The following TCF4 variants were observed in gnomAD, a reference collection of about 807,000 sequenced individuals.
TCF4 encodes the protein transcription factor 4, also known as SL3-3 enhancer factor 2.
TCF4 carries 3 observed loss-of-function variants against 82.1 expected under a neutral mutation model. The observed-to-expected ratio is 0.04, with a 90% CI of 0.02 to 0.09. TCF4 has a LOEUF of 0.09. TCF4 is among the 10% of genes least tolerant of loss of function. The pLI is 1.00. For missense variants in TCF4, 518 were observed against 852.7 expected (o/e 0.61, Z 4.89); for synonymous variants, 276 against 309.6 (o/e 0.89, Z 1.14).
intron 6 of TCF4, among the ~76,000 whole-genome samples, chr18:55,376,278 G>A (rs112167885): frequency 0.019 from 2,835 of 151,856 alleles, 42 homozygotes; most frequent in South Asian, 0.034. Context: ...TGCCTGCCTC[G>A]GCCTCCTAAA....
intron 6 of TCF4, among the ~76,000 whole-genome samples, chr18:55,398,161 G>C (rs1487080581): frequency 6.6e-6 from 1 of 152,156 alleles, no homozygotes; most frequent in Non-Finnish European, 1.5e-5. Flanking sequence ...TGCAATGAAA[G>C]AATGGACCCA....
intron 3 of TCF4, among the ~76,000 whole-genome samples, chr18:55,504,486 C>T (rs1164076402): frequency 6.6e-6 from 1 of 152,184 alleles, no homozygotes; most frequent in African/African-American, 2.4e-5. Context: ...TAAGTATAGA[C>T]ACTGTAATTC....
chr18:55,463,381 T>C (rs150846144), intron 4 of TCF4, among the ~76,000 whole-genome samples: 57 of 152,310 alleles, frequency 3.7e-4, no homozygotes, highest in African/African-American at 1.3e-3. Flanking sequence ...GAAACACGTA[T>C]TGCTTAACCA....
intron 8 of TCF4, among the ~76,000 whole-genome samples, chr18:55,334,297 C>T (rs1463570991): frequency 6.6e-6 from 1 of 151,734 alleles, no homozygotes; most frequent in Non-Finnish European, 1.5e-5. Context: ...CTTAAAATAC[C>T]CCGAAATAAC....
chr18:55,387,253 A>G (rs967729887), intron 6 of TCF4, among the ~76,000 whole-genome samples: 25 of 152,226 alleles, frequency 1.6e-4, no homozygotes, highest in African/African-American at 5.3e-4. Flanking sequence ...AATCACATCT[A>G]CTGAAAATAC....
intron 5 of TCF4, among the ~76,000 whole-genome samples, chr18:55,423,016 C>T (rs2094833401): frequency 6.6e-6 from 1 of 151,582 alleles, no homozygotes; most frequent in Admixed American, 6.6e-5. Context: ...TGCTCACACA[C>T]ACACGCACAC....
At chr18:55,376,710 C>T (rs925289008) in intron 6 of TCF4, among the ~76,000 whole-genome samples, 6 of 152,220 alleles carry the variant, frequency 3.9e-5, no homozygotes, top group African/African-American at 1.2e-4. Context: ...CAATGTCCCA[C>T]ATTCTTATTG....
At chr18:55,573,313 AAAC>A (rs2097494264) in intron 3 of TCF4, among the ~76,000 whole-genome samples, 1 of 151,992 alleles carries the variant, frequency 6.6e-6, no homozygotes, top group African/African-American at 2.4e-5. Context: ...AAAAAAAAAA[AAAC>A]AAGTAGCCAC....
chr18:55,480,207 A>C (rs553163410), intron 3 of TCF4, among the ~76,000 whole-genome samples: 1 of 142,670 alleles, frequency 7.0e-6, no homozygotes, highest in East Asian at 2.2e-4. Context: ...TTTACCCTCC[A>C]GTACTGTTGT....
intron 3 of TCF4, among the ~76,000 whole-genome samples, chr18:55,535,800 T>A (rs902534992): frequency 6.6e-6 from 1 of 152,114 alleles, no homozygotes; most frequent in African/African-American, 2.4e-5. Context: ...ATTCTATGAG[T>A]TTCAGCATTA....
At chr18:55,617,885 A>C (rs996004462) in intron 2 of TCF4, among the ~76,000 whole-genome samples, 2 of 150,368 alleles carry the variant, frequency 1.3e-5, no homozygotes, top group African/African-American at 2.4e-5. Flanking sequence ...AGATCATATC[A>C]TCTGAAACCA....
chr18:55,581,325 T>C (rs953763125), intron 3 of TCF4, among the ~76,000 whole-genome samples: 5 of 152,044 alleles, frequency 3.3e-5, no homozygotes, highest in African/African-American at 1.2e-4. Context: ...GAACTCCTTA[T>C]CTTGGGCCTC....
At chr18:55,589,261 C>A (rs1213925148), upstream of TCF4, 1 of 1,049,540 alleles carries the variant, frequency 9.5e-7, no homozygotes, top group Non-Finnish European at 1.2e-6. Context: ...AATTCAATTA[C>A]AAACAGTTTA....
intron 8 of TCF4, among the ~76,000 whole-genome samples, chr18:55,316,725 G>A (rs942320289): frequency 6.6e-6 from 1 of 152,022 alleles, no homozygotes; most frequent in Non-Finnish European, 1.5e-5. Flanking sequence ...CAGTTGGAAA[G>A]GTATTTAAAA....
chr18:55,559,191 C>T (rs2097333546), intron 3 of TCF4, among the ~76,000 whole-genome samples: 2 of 150,478 alleles, frequency 1.3e-5, no homozygotes, highest in Admixed American at 1.3e-4. Flanking sequence ...TAGACTTCTG[C>T]TTGTGGCTAT....
intron 3 of TCF4, among the ~76,000 whole-genome samples, chr18:55,526,339 C>T (rs1371985889): frequency 6.6e-6 from 1 of 152,198 alleles, no homozygotes; most frequent in Admixed American, 6.5e-5. Context: ...CTATAATATA[C>T]TATGGATATG....
intron 8 of TCF4, among the ~76,000 whole-genome samples, chr18:55,286,346 T>C (rs568608437): frequency 6.6e-6 from 1 of 152,108 alleles, no homozygotes; most frequent in Admixed American, 6.5e-5. Flanking sequence ...TTCATGTTAC[T>C]TTCACATCTA....
At chr18:55,263,049 C>T (rs1185256445) in intron 11 of TCF4, among the ~76,000 whole-genome samples, 1 of 152,112 alleles carries the variant, frequency 6.6e-6, no homozygotes, top group Non-Finnish European at 1.5e-5. Flanking sequence ...CATGAACCAC[C>T]CACCTTGGCC....
chr18:55,564,042 A>G (rs1406313763), intron 3 of TCF4, among the ~76,000 whole-genome samples: 1 of 152,224 alleles, frequency 6.6e-6, no homozygotes, highest in Admixed American at 6.5e-5. Context: ...GCACTGAACC[A>G]AAGAGTCTTG....
Sources: allele counts gnomAD v4.1 joint callset (sites outside exome capture counted in the v4.1 genomes callset), GRCh38; gene constraint gnomAD v4.1.1; transcripts MANE v1.5; gene names NCBI Gene and HGNC (gene_info 2026-07-23, HGNC 2026-07-21).